CACNB2: variants seen among roughly 807,000 people sequenced by gnomAD.
CACNB2 encodes the protein voltage-dependent L-type calcium channel subunit beta-2.
Under a neutral mutation model 73.3 loss-of-function variants are expected in CACNB2, and 42 were observed. The ratio of observed to expected loss-of-function variants is 0.57; its 90% CI spans 0.45 to 0.74. The LOEUF (loss-of-function observed/expected upper bound fraction) is 0.74, where lower values mean the gene tolerates loss of function less well. Among genes scored for constraint, CACNB2 ranks in the 30% least tolerant of loss-of-function variants. The pLI, the probability that CACNB2 is intolerant of heterozygous loss-of-function variation, is 0.00. For missense variants in CACNB2, 940 were observed against 853.0 expected (o/e 1.10, Z -1.27); for synonymous variants, 348 against 310.3 (o/e 1.12, Z -1.28).
At chr10:18,490,809 A>G (rs2049366071) in intron 3 of CACNB2, among the ~76,000 whole-genome samples, 1 of 133,872 alleles carries the variant, frequency 7.5e-6, no homozygotes, top group Non-Finnish European at 1.6e-5. Context: ...ATCTTACTCT[A>G]CAGCTATGAC....
chr10:18,152,011 TA>T (rs1190086442), intron 2 of CACNB2, among the ~76,000 whole-genome samples: 1 of 152,204 alleles, frequency 6.6e-6, no homozygotes, highest in Non-Finnish European at 1.5e-5. Context: ...GTTTTATTTT[TA>T]TTGGGGACAG....
chr10:18,511,152 T>C (rs533580257), intron 6 of CACNB2, among the ~76,000 whole-genome samples: 4 of 152,318 alleles, frequency 2.6e-5, no homozygotes, highest in South Asian at 4.1e-4. Flanking sequence ...TCAGTATGCA[T>C]AGATGGGGCA....
chr10:18,152,144 T>C (rs1295675376), intron 2 of CACNB2, among the ~76,000 whole-genome samples: 2 of 152,168 alleles, frequency 1.3e-5, no homozygotes, highest in Non-Finnish European at 2.9e-5. Context: ...GCAGCATCGG[T>C]GGGGATTTTG....
At chr10:18,219,011 A>G (rs114936205) in intron 2 of CACNB2, among the ~76,000 whole-genome samples, 1 of 152,164 alleles carries the variant, frequency 6.6e-6, no homozygotes. Flanking sequence ...AAAAAAATTT[A>G]AAAATTAGCC....
At chr10:18,235,083 C>T (rs2036384022) in intron 2 of CACNB2, among the ~76,000 whole-genome samples, 1 of 149,746 alleles carries the variant, frequency 6.7e-6, no homozygotes, top group Non-Finnish European at 1.5e-5. Flanking sequence ...GCGGAGCTTG[C>T]AGTGAGCCGG....
intron 3 of CACNB2, among the ~76,000 whole-genome samples, chr10:18,428,683 C>CA (rs10525913): frequency 7.3e-4 from 105 of 143,076 alleles, no homozygotes; most frequent in South Asian, 2.0e-3. Flanking sequence ...GAGACACTGT[C>CA]AAAAAAAAAA....
At chr10:18,149,233 G>A (rs1393567366) in intron 1 of CACNB2, among the ~76,000 whole-genome samples, 1 of 152,022 alleles carries the variant, frequency 6.6e-6, no homozygotes, top group Non-Finnish European at 1.5e-5. Flanking sequence ...GCCTTCTTAG[G>A]CCTTAGAAAA....
At chr10:18,250,549 A>C (rs1479880728) in intron 2 of CACNB2, among the ~76,000 whole-genome samples, 1 of 146,322 alleles carries the variant, frequency 6.8e-6, no homozygotes, top group Admixed American at 6.8e-5. Context: ...TTTTTTTTTG[A>C]AAGTTGTCCA....
At chr10:18,191,303 A>G (rs1300779767) in intron 2 of CACNB2, among the ~76,000 whole-genome samples, 1 of 152,208 alleles carries the variant, frequency 6.6e-6, no homozygotes, top group Non-Finnish European at 1.5e-5. Flanking sequence ...GTCCCATGAC[A>G]CAGAGCTGGG....
intron 3 of CACNB2, among the ~76,000 whole-genome samples, chr10:18,442,623 A>G (rs535266825): frequency 1.1e-3 from 170 of 151,638 alleles, no homozygotes; most frequent in African/African-American, 3.7e-3. Context: ...TCAAGATATC[A>G]AGACCATCCT....
chr10:18,239,673 T>G (rs755710298), intron 2 of CACNB2, among the ~76,000 whole-genome samples: 6 of 152,178 alleles, frequency 3.9e-5, no homozygotes, highest in Non-Finnish European at 7.4e-5. Context: ...AGACCTTATC[T>G]AAGTTTCATA....
At chr10:18,386,240 C>CT (rs1442766848) in intron 2 of CACNB2, among the ~76,000 whole-genome samples, 1 of 151,888 alleles carries the variant, frequency 6.6e-6, no homozygotes, top group Non-Finnish European at 1.5e-5. Flanking sequence ...CCTTCCCCTG[C>CT]TTTTTTGGCC....
intron 2 of CACNB2, among the ~76,000 whole-genome samples, chr10:18,366,958 T>C (rs1042873066): frequency 2.6e-5 from 4 of 152,206 alleles, no homozygotes; most frequent in Admixed American, 6.5e-5. Context: ...ATTCCAGCTG[T>C]GGAAACTGTA....
At chr10:18,409,354 T>A (rs1374955401) in intron 3 of CACNB2, among the ~76,000 whole-genome samples, 1 of 147,034 alleles carries the variant, frequency 6.8e-6, no homozygotes, top group African/African-American at 2.5e-5. Flanking sequence ...CCCAGCCTGG[T>A]CTTGAACTCC....
At chr10:18,284,765 G>A (rs2038712292) in intron 2 of CACNB2, among the ~76,000 whole-genome samples, 1 of 152,118 alleles carries the variant, frequency 6.6e-6, no homozygotes, top group Non-Finnish European at 1.5e-5. Flanking sequence ...GTATGAGGCA[G>A]TATGCTTGGT....
chr10:18,323,145 G>A (rs546469068), intron 2 of CACNB2, among the ~76,000 whole-genome samples: 2 of 151,306 alleles, frequency 1.3e-5, no homozygotes, highest in South Asian at 4.2e-4. Flanking sequence ...TTTTTGTAGT[G>A]ATGGGGTATC....
intron 2 of CACNB2, among the ~76,000 whole-genome samples, chr10:18,264,381 A>G (rs921397168): frequency 6.6e-6 from 1 of 152,246 alleles, no homozygotes; most frequent in Non-Finnish European, 1.5e-5. Flanking sequence ...TATAACATAC[A>G]TGCAGAAAAG....
At chr10:18,180,685 G>T (rs1414918963) in intron 2 of CACNB2, among the ~76,000 whole-genome samples, 4 of 152,104 alleles carry the variant, frequency 2.6e-5, no homozygotes, top group Non-Finnish European at 5.9e-5. Context: ...AAATAGAAGA[G>T]GCCAGGCGCG....
In CACNB2 at chr10:18,536,208, C is replaced by G. The variant is rs751318399; in HGVS notation, c.1302+12C>G. 3 of 910,998 alleles carry G rather than the reference C, an allele frequency of 3.3e-6. No homozygotes were observed. In the African/African-American group the frequency reaches 5.8e-5, roughly 18 times the overall value. 56.4% of individuals were successfully genotyped at this position (910,998 alleles called of 1,614,324 possible). A position where few individuals can be genotyped will look rare whatever the true frequency, so the allele number is the denominator to read the frequency against. The stretch of plus-strand genomic sequence containing the variant: ...CTCAGTGTCCTCCAGTAAGTTATCT[C>G]TATATACAGCATAATCCAGTTACAG... On this transcript the variant is annotated intron_variant, in intron 12 of 13. Coordinates refer to ENST00000324631, the MANE Select transcript of CACNB2 (RefSeq NM_201596.3).
Sources: allele counts gnomAD v4.1 joint callset (sites outside exome capture counted in the v4.1 genomes callset), GRCh38; gene constraint gnomAD v4.1.1; transcripts MANE v1.5; gene names NCBI Gene and HGNC (gene_info 2026-07-23, HGNC 2026-07-21).